The following MCM6 variants were observed in gnomAD, a reference collection of about 807,000 sequenced individuals.
MCM6 encodes DNA replication licensing factor MCM6.
MCM6 carries 46 observed loss-of-function variants against 94.3 expected under a neutral mutation model. That is an observed-to-expected ratio of 0.49 (90% CI 0.39 to 0.62). The LOEUF is 0.62. Ranked by LOEUF, MCM6 falls within the 20% of genes least tolerant of loss-of-function variation. MCM6 has a pLI of 0.00. For synonymous variants in MCM6, 335 were observed against 351.9 expected (o/e 0.95, Z 0.54); for missense variants, 865 against 1,017.9 (o/e 0.85, Z 2.04).
intron 7 of MCM6, among the ~76,000 whole-genome samples, chr2:135,864,502 A>C (rs1421257577): frequency 6.6e-6 from 1 of 151,776 alleles, no homozygotes; most frequent in Non-Finnish European, 1.5e-5. Flanking sequence ...AGGCCAGGAG[A>C]CTACAACCAC....
In MCM6 at chr2:135,840,818, C is replaced by T; in HGVS notation, c.*17G>A. ...TGTGCCACAGTTCCTCAGCTCTGGT[C>T]AGTTACTTTCACTATCTCAATCTTC... On this transcript the variant is annotated 3_prime_UTR_variant, in exon 17 of 17. Transcript: ENST00000264156. The T allele has an allele frequency of 6.4e-7, 1 of 1,558,172 alleles. No homozygotes were observed. The highest frequency in any genetic ancestry group is 8.9e-7 in the Non-Finnish European group (1 of 1,129,126).
In MCM6 at chr2:135,851,693, G is replaced by C. The variant is rs557103661; in HGVS notation, c.1756-130C>G. The C allele has an allele frequency of 1.4e-5, 9 of 639,670 alleles. No homozygotes were observed. In the South Asian group the frequency reaches 4.0e-4, roughly 29 times the overall value. The allele number at this position is 639,670 out of a possible 1,614,324, so 39.6% of individuals were successfully genotyped here. ...AGAGGGTTGAAACTTTGAGAAGCCAGTGACAATAAATTACTATTGTAATGT... is the reference window on the plus strand; with the variant it reads ...AGAGGGTTGAAACTTTGAGAAGCCACTGACAATAAATTACTATTGTAATGT... On this transcript the variant is annotated intron_variant, in intron 12 of 16. Coordinates refer to ENST00000264156, the MANE Select transcript of MCM6 (RefSeq NM_005915.6).
At position 135,872,742 on chromosome 2, in the gene MCM6, T is replaced by G. The variant is rs1477058297; in HGVS notation, c.209A>C (p.Gln70Pro). 1 of 1,614,044 alleles carries G rather than the reference T, an allele frequency of 6.2e-7. No homozygotes were observed. The highest frequency in any genetic ancestry group is 8.5e-7 in the Non-Finnish European group (1 of 1,180,040). The change falls in exon 2 of 17, where the codon CAA becomes CCA. Residue 70 changes from glutamine (Q) to proline (P), a missense_variant. Coordinates refer to ENST00000264156, the MANE Select transcript of MCM6 (RefSeq NM_005915.6). ...GGTGGTGGAAAGTTGCTGGTTAAAT[T>G]GTTCCAGGTCCACAAAACTCACAAC... ...TLVVSFVDLE[Q>P]FNQQLSTTIQ... is the part of the protein sequence containing the mutation.
chr2:135,844,025 G>C (rs1679628877), intron 16 of MCM6, among the ~76,000 whole-genome samples: 1 of 151,696 alleles, frequency 6.6e-6, no homozygotes, highest in African/African-American at 2.4e-5. Context: ...AGTAAGAACT[G>C]TCCACTTGAG....
chr2:135,841,429 A>T (rs4988278), intron 16 of MCM6, among the ~76,000 whole-genome samples: 108 of 151,286 alleles, frequency 7.1e-4, no homozygotes, highest in African/African-American at 2.2e-3. Context: ...CTGAGCTAAT[A>T]AAAAAAAAGG....
intron 1 of MCM6, among the ~76,000 whole-genome samples, chr2:135,874,004 T>C (rs1680251077): frequency 6.6e-6 from 1 of 152,180 alleles, no homozygotes; most frequent in African/African-American, 2.4e-5. Flanking sequence ...GACTGGGGTG[T>C]TTTTGTAAGA....
rs760856661 is a variant in MCM6, at chr2:135,868,875, A to C, written c.366-15T>G. On this transcript the variant is annotated splice_polypyrimidine_tract_variant and intron_variant, in intron 3 of 16. Transcript: ENST00000264156. ...GCTCTCGAATCCTGTTTAAAGACAA[A>C]TGTCCCATTAGTAAACATTCATCTC... 82 of 1,610,728 alleles carry C rather than the reference A, an allele frequency of 5.1e-5. No homozygotes were observed. Among genetic ancestry groups the C allele is most frequent in the Non-Finnish European group, 3.7e-5 (43 of 1,177,186 alleles).
At chr2:135,875,022 G>C (rs1163021010) in intron 1 of MCM6, among the ~76,000 whole-genome samples, 1 of 152,180 alleles carries the variant, frequency 6.6e-6, no homozygotes, top group Non-Finnish European at 1.5e-5. Context: ...CTGAGGGAGA[G>C]GGTAACGGAG....
At chr2:135,874,878 G>A (rs942353334) in intron 1 of MCM6, among the ~76,000 whole-genome samples, 2 of 152,104 alleles carry the variant, frequency 1.3e-5, no homozygotes, top group Non-Finnish European at 2.9e-5. Flanking sequence ...ATGCTACCTC[G>A]CAGAGGAACC....
intron 13 of MCM6, among the ~76,000 whole-genome samples, chr2:135,849,896 C>T (rs1679742340): frequency 6.6e-6 from 1 of 151,788 alleles, no homozygotes; most frequent in Non-Finnish European, 1.5e-5. Context: ...ACATATGAGA[C>T]AGAAATAGCT....
chr2:135,859,530 G>T lies in MCM6; in HGVS notation c.1221-88C>A, dbSNP rs866105328. On this transcript the variant is annotated intron_variant, in intron 8 of 16. Coordinates refer to ENST00000264156, the MANE Select transcript of MCM6 (RefSeq NM_005915.6). Reference sequence around the variant, plus strand: ...AACCAGCAGAAGAGTTTAAATTACTGAAAGAACATTTGAGAGCTTAAGCAA... The same window carrying T: ...AACCAGCAGAAGAGTTTAAATTACTTAAAGAACATTTGAGAGCTTAAGCAA... The T allele has an allele frequency of 4.6e-6, 4 of 874,216 alleles. No homozygotes were observed. In the South Asian group the frequency reaches 5.7e-5, roughly 12 times the overall value. 54.2% of individuals were successfully genotyped at this position (874,216 alleles called of 1,614,324 possible). A position where few individuals can be genotyped will look rare whatever the true frequency, so the allele number is the denominator to read the frequency against.
chr2:135,868,013 A>C (rs963820798), intron 4 of MCM6, among the ~76,000 whole-genome samples: 3 of 151,598 alleles, frequency 2.0e-5, no homozygotes, highest in African/African-American at 7.3e-5. Context: ...GGTGACAGAG[A>C]GAGACTGTCT....
intron 13 of MCM6, among the ~76,000 whole-genome samples, chr2:135,850,286 T>G (rs1167309035): frequency 7.9e-5 from 12 of 152,016 alleles, no homozygotes; most frequent in South Asian, 6.2e-4. Context: ...CTATTCTCCC[T>G]CTCGTTTTTT....
Position 135,866,656 on chromosome 2 carries a change from C to T in MCM6, c.688G>A (p.Ala230Thr). ...IPRSLEVILR[A>T]EAVESAQAGD... ...GCTTGAGCTGATTCCACAGCTTCAG[C>T]CCTTAAAATTACTTCTAAACTGCGG... Residue 230 changes from alanine to threonine, a missense_variant, in exon 5 of 17, where the codon GCT (alanine) becomes ACT (threonine). By Grantham distance (58) the Ala-to-Thr change is moderately conservative. This residue lies in a region of MCM6 where 404 missense variants were observed against 451.9 expected (regional missense o/e 0.89). Coordinates refer to ENST00000264156, the MANE Select transcript of MCM6 (RefSeq NM_005915.6). 7.4e-6 allele frequency: 12 copies of T among 1,614,132 alleles called. No individual in the cohort carries two copies. Among genetic ancestry groups the T allele is most frequent in the Non-Finnish European group, 9.3e-6 (11 of 1,180,018 alleles).
chr2:135,872,950 C>T, intron 1 of MCM6, 107 bp from the exon 2 acceptor site: 1 of 1,350,318 alleles, frequency 7.4e-7, no homozygotes, highest in Non-Finnish European at 1.0e-6. Flanking sequence ...TCAGACAGGC[C>T]CATGTTTGGC....
At position 135,852,877 on chromosome 2, in the gene MCM6, C is replaced by A; in HGVS notation, c.1665G>T (p.Leu555Phe). The A allele has an allele frequency of 1.2e-6, 2 of 1,610,644 alleles. No homozygotes were observed. The highest frequency in any genetic ancestry group is 2.2e-5 in the East Asian group (1 of 44,624). The change falls in exon 12 of 17, where the codon TTG becomes TTT. Residue 555 changes from leucine to phenylalanine, a missense_variant. Around this residue, in one of 3 missense-constraint regions of MCM6, gnomAD observed 308 missense variants for 324.5 expected, o/e 0.95. Coordinates refer to ENST00000264156, the MANE Select transcript of MCM6 (RefSeq NM_005915.6). ...DYAIARRIVD[L>F]HSRIEESIDR... is the part of the protein sequence containing the mutation. The stretch of plus-strand genomic sequence containing the variant: ...CAATTGATTCCTCAATTCTTGAATG[C>A]AAATCTACTATGCGCCTGGCAATGG...
At chr2:135,846,732 A>C (rs1001157413) in intron 14 of MCM6, among the ~76,000 whole-genome samples, 5 of 151,778 alleles carry the variant, frequency 3.3e-5, no homozygotes, top group Non-Finnish European at 7.4e-5. Flanking sequence ...GGCTAGGTGC[A>C]GTGGCTCACA....
At position 135,866,727 on chromosome 2, in the gene MCM6, A is replaced by T; in HGVS notation, c.617T>A (p.Val206Asp). ...NKSRFVDFQK[V>D]RIQETQAELP... ...CTCAGCTTGGGTCTCTTGAATACGA[A>T]CCTGTAATACAGACAAACAACCAAC... Residue 206 changes from valine to aspartate, a missense_variant and splice_region_variant, in exon 5 of 17, where the codon GTT becomes GAT. Physicochemically the swap from Val to Asp is radical, Grantham distance 152. This residue lies in a region of MCM6 where 404 missense variants were observed against 451.9 expected (regional missense o/e 0.89). Transcript: ENST00000264156. 1 of 1,596,368 alleles carries T rather than the reference A, an allele frequency of 6.3e-7. No individual in the cohort carries two copies. Among genetic ancestry groups the T allele is most frequent in the East Asian group, 2.2e-5 (1 of 44,778 alleles).
Position 135,875,742 on chromosome 2 carries a change from C to A in MCM6, c.107+517G>T, listed in dbSNP as rs542125757. ...TCTCTGCAGGGCAGGGCTCCGCCCCCCAGCAGCTTTCAAACCACAGTTGAC... is the reference window on the plus strand; with the variant it reads ...TCTCTGCAGGGCAGGGCTCCGCCCCACAGCAGCTTTCAAACCACAGTTGAC... On this transcript the variant is annotated intron_variant, in intron 1 of 16. Coordinates refer to ENST00000264156, the MANE Select transcript of MCM6 (RefSeq NM_005915.6). 2.0e-4 allele frequency among the ~76,000 whole-genome samples: 30 copies of A among 152,324 alleles called. 1 individual carries two copies. The highest frequency in any genetic ancestry group is 7.8e-4 in the Admixed American group (12 of 15,302).
Sources: gnomAD v4.1 joint callset for allele counts (sites outside exome capture counted in the v4.1 genomes callset) on GRCh38, gnomAD v4.1.1 for gene constraint, gnomAD v4.1.1 regional missense constraint, MANE v1.5 for transcripts, NCBI Gene and HGNC (gene_info 2026-07-23, HGNC 2026-07-21) for gene names.